DIAPH3: variants seen among roughly 807,000 people sequenced by gnomAD.
DIAPH3 encodes protein diaphanous homolog 3.
A neutral mutation model predicts 144.3 loss-of-function variants in DIAPH3; 117 were observed. The ratio of observed to expected loss-of-function variants is 0.81; its 90% confidence interval spans 0.70 to 0.95. The LOEUF (loss-of-function observed/expected upper bound fraction) is 0.95, where lower values mean the gene tolerates loss of function less well. Among genes scored for constraint, DIAPH3 ranks in the 40% least tolerant of loss-of-function variants. The pLI is 0.00. For missense variants in DIAPH3, 1,421 were observed against 1,412.7 expected (o/e 1.01, Z -0.09); for synonymous variants, 519 against 488.9 (o/e 1.06, Z -0.81).
At chr13:59,709,203 A>T (rs1047025342) in intron 27 of DIAPH3, among the ~76,000 whole-genome samples, 1 of 152,178 alleles carries the variant, frequency 6.6e-6, no homozygotes, top group Non-Finnish European at 1.5e-5. Context: ...GTTTAACATG[A>T]TTTACTTTTA....
At position 59,787,792 on chromosome 13, in the gene DIAPH3, C is replaced by T. The variant is rs536115929; in HGVS notation, c.3164-12969G>A. On this transcript the variant is annotated intron_variant, in intron 25 of 27. Transcript: ENST00000400324. Reference sequence around the variant, plus strand: ...AAATTTATATGTTGAAATCCTAATTCCAAGGTGATGATATTAGGAGAAAGG... The same window carrying T: ...AAATTTATATGTTGAAATCCTAATTTCAAGGTGATGATATTAGGAGAAAGG... 3.9e-5 allele frequency among the ~76,000 whole-genome samples: 6 copies of T among 152,096 alleles called. No homozygotes were observed. In the South Asian group the frequency reaches 6.2e-4, roughly 16 times the overall value.
chr13:60,160,933 G>A (rs1489400611), intron 1 of DIAPH3, among the ~76,000 whole-genome samples: 1 of 152,204 alleles, frequency 6.6e-6, no homozygotes, highest in African/African-American at 2.4e-5. Context: ...CAAGTGACTT[G>A]AAGCCCGCAA....
At chr13:60,084,915 C>T (rs1037194516) in intron 4 of DIAPH3, among the ~76,000 whole-genome samples, 1 of 151,920 alleles carries the variant, frequency 6.6e-6, no homozygotes, top group South Asian at 2.1e-4. Context: ...GGAACAAATG[C>T]CTTTTGGGCA....
At chr13:59,843,560 T>G (rs557299754) in intron 22 of DIAPH3, among the ~76,000 whole-genome samples, 2 of 152,324 alleles carry the variant, frequency 1.3e-5, no homozygotes, top group East Asian at 3.9e-4. Flanking sequence ...TCACCGCGTA[T>G]TTTTACCTCA....
At chr13:60,151,051 T>C (rs1417918728) in intron 1 of DIAPH3, among the ~76,000 whole-genome samples, 1 of 143,716 alleles carries the variant, frequency 7.0e-6, no homozygotes, top group African/African-American at 2.6e-5. Flanking sequence ...CTGCAATGAA[T>C]GGCTGAGTCC....
intron 14 of DIAPH3, among the ~76,000 whole-genome samples, chr13:59,978,062 C>A (rs906655660): frequency 6.6e-6 from 1 of 151,702 alleles, no homozygotes; most frequent in South Asian, 2.1e-4. Context: ...GGTTTACATA[C>A]CACATAGGGT....
chr13:60,127,403 A>T (rs1281147896), intron 2 of DIAPH3, among the ~76,000 whole-genome samples: 1 of 151,954 alleles, frequency 6.6e-6, no homozygotes, highest in African/African-American at 2.4e-5. Context: ...ATAAGCACAT[A>T]AAAAAAAGTT....
intron 27 of DIAPH3, among the ~76,000 whole-genome samples, chr13:59,730,488 T>C (rs752321396): frequency 6.6e-6 from 1 of 152,110 alleles, no homozygotes; most frequent in Non-Finnish European, 1.5e-5. Flanking sequence ...AAAGGAGAGA[T>C]TGTAGGGTGG....
chr13:60,131,004 C>T (rs921560481), intron 2 of DIAPH3, among the ~76,000 whole-genome samples: 3 of 151,932 alleles, frequency 2.0e-5, no homozygotes, highest in African/African-American at 7.3e-5. Flanking sequence ...AGGTAAAGAT[C>T]GTGGGTTGGC....
At chr13:59,812,275 TCCATCCATCC>T (rs2040524154) in intron 24 of DIAPH3, among the ~76,000 whole-genome samples, 1 of 151,324 alleles carries the variant, frequency 6.6e-6, no homozygotes, top group Admixed American at 6.6e-5. Flanking sequence ...CATCCATCCA[TCCATCCATCC>T]ATCCATCCAT....
At position 59,670,729 on chromosome 13, in the gene DIAPH3, C is replaced by T. The variant is rs544831564; in HGVS notation, c.3320-3883G>A. Among the ~76,000 whole-genome samples, 260 of 152,068 alleles carry T rather than the reference C, an allele frequency of 1.7e-3. 3 individuals carry two copies. Among genetic ancestry groups the T allele is most frequent in the Non-Finnish European group, 2.6e-3 (177 of 67,970 alleles). ...TCCCGAGTAGCTGGGACTACAGGCGCCCGCCACCACGCCCGGCTAATTTTT... is the reference window on the plus strand; with the variant it reads ...TCCCGAGTAGCTGGGACTACAGGCGTCCGCCACCACGCCCGGCTAATTTTT... On this transcript the variant is annotated intron_variant, in intron 27 of 27. Transcript: ENST00000400324.
intron 9 of DIAPH3, among the ~76,000 whole-genome samples, chr13:60,005,934 C>A (rs376627730): frequency 6.6e-6 from 1 of 151,920 alleles, no homozygotes. Flanking sequence ...AGAATAGTAA[C>A]CTATAAAATC....
intron 5 of DIAPH3, among the ~76,000 whole-genome samples, chr13:60,025,704 T>C (rs1382133394): frequency 1.3e-5 from 2 of 151,992 alleles, no homozygotes; most frequent in Non-Finnish European, 2.9e-5. Context: ...TCTGTAGAAG[T>C]GAAATCCTGA....
intron 27 of DIAPH3, among the ~76,000 whole-genome samples, chr13:59,759,154 CT>C (rs1282770607): frequency 6.6e-6 from 1 of 151,714 alleles, no homozygotes; most frequent in African/African-American, 2.4e-5. Flanking sequence ...AGAAAAATAC[CT>C]TTTTCACATG....
chr13:59,770,874 A>C (rs2038083672), intron 27 of DIAPH3, among the ~76,000 whole-genome samples: 2 of 152,172 alleles, frequency 1.3e-5, no homozygotes, highest in Non-Finnish European at 2.9e-5. Flanking sequence ...ACAGCTTAAT[A>C]AATTTTGCTG....
At chr13:60,025,404 C>CAAAAA (rs370177105) in intron 5 of DIAPH3, among the ~76,000 whole-genome samples, 3 of 68,118 alleles carry the variant, frequency 4.4e-5, no homozygotes, top group Non-Finnish European at 8.5e-5. Flanking sequence ...TTGTGCTTAG[C>CAAAAA]AAAAAAAAAA....
chr13:59,668,617 T>C (rs1411140312), intron 27 of DIAPH3, among the ~76,000 whole-genome samples: 1 of 152,170 alleles, frequency 6.6e-6, no homozygotes, highest in African/African-American at 2.4e-5. Context: ...TGGTGCAAAG[T>C]AGGTGCTCAA....
chr13:59,672,750 T>C (rs902788742), intron 27 of DIAPH3, among the ~76,000 whole-genome samples: 4 of 152,204 alleles, frequency 2.6e-5, no homozygotes, highest in Non-Finnish European at 5.9e-5. Flanking sequence ...ATCTTATGTA[T>C]TGAAAATATA....
chr13:60,019,337 A>G (rs926532558), intron 5 of DIAPH3, among the ~76,000 whole-genome samples: 5 of 152,216 alleles, frequency 3.3e-5, no homozygotes, highest in Admixed American at 2.6e-4. Context: ...TATAAACTGC[A>G]TTCATGGATA....
Sources: allele counts gnomAD v4.1 joint callset (sites outside exome capture counted in the v4.1 genomes callset), GRCh38; gene constraint gnomAD v4.1.1; transcripts MANE v1.5; gene names NCBI Gene and HGNC (gene_info 2026-07-23, HGNC 2026-07-21).